Variants in PREX2 observed in about 807,000 individuals in gnomAD.
The protein encoded by PREX2 is phosphatidylinositol-3,4,5-trisphosphate dependent Rac exchange factor 2.
In PREX2, 107 loss-of-function variants were observed where a neutral mutation model predicts 203.2. The ratio of observed to expected loss-of-function variants is 0.53; its 90% CI spans 0.45 to 0.62. The LOEUF (loss-of-function observed/expected upper bound fraction) is 0.62. PREX2 is among the 20% of genes least tolerant of loss of function. The pLI is 0.00. For synonymous variants in PREX2, 672 were observed against 663.6 expected (o/e 1.01, Z -0.19); for missense variants, 1,777 against 1,955.9 (o/e 0.91, Z 1.72).
chr8:68,123,207 A>G (rs996202159), intron 30 of PREX2, among the ~76,000 whole-genome samples: 1 of 152,104 alleles, frequency 6.6e-6, no homozygotes, highest in Admixed American at 6.6e-5. Context: ...AAGGTAAAGC[A>G]TACCAGACTC....
chr8:68,160,446 T>C (rs1358306106), intron 35 of PREX2, among the ~76,000 whole-genome samples: 1 of 152,084 alleles, frequency 6.6e-6, no homozygotes, highest in Admixed American at 6.5e-5. Context: ...AACCAGAATT[T>C]TAGAAAGCTC....
chr8:68,055,518 T>C (rs6981383), intron 9 of PREX2, among the ~76,000 whole-genome samples: 87,103 of 151,770 alleles, frequency 0.57, 26,477 homozygotes, highest in African/African-American at 0.78. Flanking sequence ...CGGATCTAAC[T>C]CTGAGCAAGG....
intron 1 of PREX2, among the ~76,000 whole-genome samples, chr8:67,993,810 C>G (rs1367086222): frequency 2.0e-5 from 3 of 152,132 alleles, no homozygotes; most frequent in Admixed American, 2.0e-4. Context: ...GTCAAGCATT[C>G]TATCCAATAC....
At chr8:68,185,276 G>A (rs1166827523) in intron 35 of PREX2, among the ~76,000 whole-genome samples, 4 of 152,044 alleles carry the variant, frequency 2.6e-5, no homozygotes, top group Admixed American at 1.3e-4. Context: ...TCTTTGGTTT[G>A]ATATTTAATT....
chr8:68,138,126 T>C (rs1811149505), intron 32 of PREX2, among the ~76,000 whole-genome samples: 1 of 152,196 alleles, frequency 6.6e-6, no homozygotes, highest in Admixed American at 6.5e-5. Context: ...GAAATCAATA[T>C]GATTAGAATC....
intron 23 of PREX2, chr8:68,100,067 T>C (rs1158120979): frequency 3.0e-6 from 2 of 664,184 alleles, no homozygotes; most frequent in African/African-American, 3.5e-5. Context: ...ATCTTCAAAA[T>C]ATAGTAACTG....
chr8:68,082,147 A>C (rs1809550813), intron 17 of PREX2: 1 of 151,972 alleles, frequency 6.6e-6, no homozygotes, highest in Non-Finnish European at 1.5e-5. Context: ...AAAATCCCCC[A>C]CCCTCATAGG....
At chr8:68,208,193 G>A (rs1812674469) in intron 37 of PREX2, among the ~76,000 whole-genome samples, 2 of 152,070 alleles carry the variant, frequency 1.3e-5, no homozygotes, top group Admixed American at 1.3e-4. Context: ...ATATTTGAGA[G>A]ATAGTATAAA....
intron 20 of PREX2, among the ~76,000 whole-genome samples, chr8:68,093,164 G>T (rs1303406143): frequency 1.3e-5 from 2 of 152,026 alleles, no homozygotes; most frequent in African/African-American, 4.8e-5. Context: ...GCCGAGGCAG[G>T]CAGATCACCT....
intron 20 of PREX2, among the ~76,000 whole-genome samples, chr8:68,091,172 A>G (rs1434945410): frequency 6.6e-6 from 1 of 152,182 alleles, no homozygotes; most frequent in East Asian, 1.9e-4. Context: ...AGGTATATTT[A>G]TTTAGGTAAC....
rs150375192 is a variant in PREX2 at position 68,038,662 on chromosome 8, C to T, written c.839+370C>T. 3.4e-3 allele frequency among the ~76,000 whole-genome samples: 521 copies of T among 152,202 alleles called. 4 individuals carry two copies. Among genetic ancestry groups the T allele is most frequent in the African/African-American group, 0.012 (504 of 41,532 alleles). ...TTTCCCCCTCTTCCTTCAAGAATCCCAGCACATGTGAAGTTCATGCCATGA... is the reference window on the plus strand; with the variant it reads ...TTTCCCCCTCTTCCTTCAAGAATCCTAGCACATGTGAAGTTCATGCCATGA... On this transcript the variant is annotated intron_variant, in intron 7 of 39. Transcript: ENST00000288368.
chr8:68,202,242 A>G (rs191488174), intron 37 of PREX2, among the ~76,000 whole-genome samples: 27 of 152,232 alleles, frequency 1.8e-4, no homozygotes, highest in Admixed American at 1.0e-3. Context: ...CTCACCAGGC[A>G]ATGAAAGTGG....
intron 1 of PREX2, among the ~76,000 whole-genome samples, chr8:68,000,931 C>T (rs867342790): frequency 6.6e-6 from 1 of 152,192 alleles, no homozygotes; most frequent in African/African-American, 2.4e-5. Flanking sequence ...CTTCCTTACA[C>T]CATATACAAA....
At position 67,975,250 on chromosome 8, in the gene PREX2, T is replaced by C. The variant is rs375530649; in HGVS notation, c.141+22715T>C. Reference sequence around the variant, plus strand: ...ATTATAATGAACCAATGGATCTGGCTGATGTTACCTGCACACGGCCTGTTT... The same window carrying C: ...ATTATAATGAACCAATGGATCTGGCCGATGTTACCTGCACACGGCCTGTTT... On this transcript the variant is annotated intron_variant, in intron 1 of 39. Transcript: ENST00000288368. Among the ~76,000 whole-genome samples the C allele has an allele frequency of 1.1e-3, 168 of 149,732 alleles. 2 individuals carry two copies. Among genetic ancestry groups the C allele is most frequent in the African/African-American group, 3.8e-3 (156 of 40,752 alleles).
chr8:68,228,707 A>G (rs991461400), intron 39 of PREX2, among the ~76,000 whole-genome samples: 1 of 152,046 alleles, frequency 6.6e-6, no homozygotes, highest in Non-Finnish European at 1.5e-5. Flanking sequence ...TGGAGGTTGC[A>G]GTGAGCCGAG....
rs570020465 is a variant in PREX2 at position 68,108,038 on chromosome 8, G to A, written c.2716-71G>A. 178 of 929,996 alleles carry A rather than the reference G, an allele frequency of 1.9e-4. 8 individuals carry two copies. The South Asian group carries it at 2.9e-3, about 15-fold the overall frequency. The allele number at this position is 929,996 out of a possible 1,614,324, so 57.6% of individuals were successfully genotyped here. A position where few individuals can be genotyped will look rare whatever the true frequency, so the allele number is the denominator to read the frequency against. ...TGCCTTTGATTTTGTTGTGAATGAT[G>A]CAAGTGAAAAAAAGATGCCTGAGTT... On this transcript the variant is annotated intron_variant, in intron 23 of 39. Coordinates refer to ENST00000288368, the MANE Select transcript of PREX2 (RefSeq NM_024870.4).
chr8:68,103,024 ATAAT>A (rs1225418771), intron 23 of PREX2: 1 of 483,774 alleles, frequency 2.1e-6, no homozygotes, highest in East Asian at 5.9e-5. Context: ...CTGCTTTAGA[ATAAT>A]TCCATAATTG....
chr8:68,160,519 A>G (rs1811633882), intron 35 of PREX2, among the ~76,000 whole-genome samples: 1 of 152,078 alleles, frequency 6.6e-6, no homozygotes, highest in African/African-American at 2.4e-5. Flanking sequence ...AATGCTAAAC[A>G]CCATTTCTTA....
At chr8:68,208,970 C>T (rs1484719257) in intron 37 of PREX2, among the ~76,000 whole-genome samples, 1 of 150,086 alleles carries the variant, frequency 6.7e-6, no homozygotes, top group Non-Finnish European at 1.5e-5. Flanking sequence ...GTCAGGAGCC[C>T]AAGGCAGGAG....
Sources: allele counts gnomAD v4.1 joint callset (sites outside exome capture counted in the v4.1 genomes callset), GRCh38; gene constraint gnomAD v4.1.1; transcripts MANE v1.5; gene names NCBI Gene and HGNC (gene_info 2026-07-23, HGNC 2026-07-21).